CLASP1: variants seen among roughly 807,000 people sequenced by gnomAD.
CLASP1 encodes the protein cytoplasmic linker associated protein 1.
A neutral mutation model predicts 192.3 loss-of-function variants in CLASP1; 38 were observed. The ratio of observed to expected loss-of-function variants is 0.20; its 90% CI spans 0.15 to 0.26. The LOEUF (loss-of-function observed/expected upper bound fraction) is 0.26. Ranked by LOEUF, CLASP1 falls within the 10% of genes least tolerant of loss-of-function variation. The pLI, the probability that CLASP1 is intolerant of heterozygous loss-of-function variation, is 1.00. For missense variants in CLASP1, 1,433 were observed against 1,932.5 expected (o/e 0.74, Z 4.85); for synonymous variants, 691 against 712.8 (o/e 0.97, Z 0.49).
At chr2:121,447,772 C>A (rs979590043) in intron 18 of CLASP1, among the ~76,000 whole-genome samples, 1 of 152,086 alleles carries the variant, frequency 6.6e-6, no homozygotes, top group Admixed American at 6.6e-5. Flanking sequence ...AAGAAATGGA[C>A]CATGTTTCTG....
At chr2:121,602,174 CAAA>C (rs71398035) in intron 2 of CLASP1, among the ~76,000 whole-genome samples, 1 of 131,336 alleles carries the variant, frequency 7.6e-6, no homozygotes. Context: ...CACTCCATCT[CAAA>C]AAAAAAAAAA....
At chr2:121,542,721 C>T (rs1415238234) in intron 2 of CLASP1, among the ~76,000 whole-genome samples, 2 of 152,166 alleles carry the variant, frequency 1.3e-5, no homozygotes, top group South Asian at 2.1e-4. Flanking sequence ...TGTTAAAATA[C>T]GTTAATTAAT....
intron 2 of CLASP1, among the ~76,000 whole-genome samples, chr2:121,552,011 T>C (rs1296767235): frequency 6.6e-6 from 1 of 152,062 alleles, no homozygotes; most frequent in Non-Finnish European, 1.5e-5. Flanking sequence ...ACCAATGGAA[T>C]AGAATAGAAA....
At chr2:121,544,718 T>C (rs188499624) in intron 2 of CLASP1, among the ~76,000 whole-genome samples, 21 of 151,706 alleles carry the variant, frequency 1.4e-4, no homozygotes, top group African/African-American at 4.3e-4. Context: ...TGCAATTCCA[T>C]TCCATACAAA....
chr2:121,370,793 T>G (rs1008866760), intron 34 of CLASP1, among the ~76,000 whole-genome samples: 1 of 152,216 alleles, frequency 6.6e-6, no homozygotes, highest in South Asian at 2.1e-4. Context: ...TAGGTGACAC[T>G]GAGGCTTCCC....
At chr2:121,367,757 T>G (rs751922581) in exon 35 of CLASP1, 23 of 1,613,830 alleles carry the variant, frequency 1.4e-5, no homozygotes, top group Non-Finnish European at 1.9e-5. Flanking sequence ...TATCCAGAGC[T>G]GTCCGGCCTC....
chr2:121,472,834 C>A (rs1462617462), intron 8 of CLASP1, among the ~76,000 whole-genome samples: 1 of 152,124 alleles, frequency 6.6e-6, no homozygotes, highest in Non-Finnish European at 1.5e-5. Flanking sequence ...TCAATGGAGA[C>A]CCCCAGAGAG....
intron 2 of CLASP1, among the ~76,000 whole-genome samples, chr2:121,590,798 C>T (rs2062298623): frequency 6.6e-6 from 1 of 151,050 alleles, no homozygotes; most frequent in South Asian, 2.1e-4. Context: ...GATTCTCAAC[C>T]AAAGTAAGAA....
rs2095176858 is a variant in CLASP1, at chr2:121,539,418, G to GC, written c.196-9094dup. 2.0e-5 allele frequency among the ~76,000 whole-genome samples: 3 copies of GC among 152,154 alleles called. No homozygotes were observed. In the South Asian group the frequency reaches 6.2e-4, roughly 31 times the overall value. ...CAATACGGCTACTTTTTAAATTGAT[G>GC]CCCCTGGATCAACTGAATATCTACA... On this transcript the variant is annotated intron_variant, in intron 2 of 39. Transcript: ENST00000263710.
chr2:121,354,630 C>T (rs1341885113), intron 37 of CLASP1, among the ~76,000 whole-genome samples: 1 of 151,964 alleles, frequency 6.6e-6, no homozygotes, highest in East Asian at 1.9e-4. Context: ...TCATAACACA[C>T]CAGCCTGAAA....
At chr2:121,474,199 C>A (rs969401157) in intron 8 of CLASP1, among the ~76,000 whole-genome samples, 3 of 151,778 alleles carry the variant, frequency 2.0e-5, no homozygotes, top group African/African-American at 4.8e-5. Context: ...GCCAGAGGAA[C>A]CAAAATTAGG....
At chr2:121,423,493 AG>A (rs2079864871) in intron 22 of CLASP1, among the ~76,000 whole-genome samples, 3 of 152,208 alleles carry the variant, frequency 2.0e-5, no homozygotes, top group Admixed American at 2.0e-4. Flanking sequence ...ATAATATAAA[AG>A]GAAAAAAAAT....
At chr2:121,518,049 G>A (rs1438901190) in intron 6 of CLASP1, among the ~76,000 whole-genome samples, 2 of 149,800 alleles carry the variant, frequency 1.3e-5, no homozygotes, top group Non-Finnish European at 3.0e-5. Context: ...GGCAAACATG[G>A]TGAAACCCCG....
chr2:121,445,352 C>A, intron 19 of CLASP1: 1 of 653,976 alleles, frequency 1.5e-6, no homozygotes. Context: ...AAAGAGTTAC[C>A]CAAAAGGCAG....
At chr2:121,461,136 C>T in exon 11 of CLASP1, 1 of 1,607,340 alleles carries the variant, frequency 6.2e-7, no homozygotes, top group Non-Finnish European at 8.5e-7. Context: ...TGCTTGTCAT[C>T]AGATAATATT....
chr2:121,588,051 G>A (rs940631543), intron 2 of CLASP1, among the ~76,000 whole-genome samples: 7 of 151,168 alleles, frequency 4.6e-5, no homozygotes, highest in Non-Finnish European at 8.8e-5. Context: ...GTACTACCCT[G>A]TAGTCCCAGC....
intron 8 of CLASP1, among the ~76,000 whole-genome samples, chr2:121,484,940 T>A (rs1012723213): frequency 6.6e-6 from 1 of 152,214 alleles, no homozygotes; most frequent in Admixed American, 6.5e-5. Flanking sequence ...ACATTCATGC[T>A]AACTGCCCAA....
chr2:121,526,829 AG>A (rs978769696), intron 5 of CLASP1, among the ~76,000 whole-genome samples: 9 of 152,340 alleles, frequency 5.9e-5, no homozygotes, highest in South Asian at 2.1e-4. Context: ...TCAGAAAAAA[AG>A]GCTTGAAATT....
At chr2:121,350,645 T>C (rs1458071776) in intron 37 of CLASP1, among the ~76,000 whole-genome samples, 1 of 152,076 alleles carries the variant, frequency 6.6e-6, no homozygotes, top group East Asian at 1.9e-4. Context: ...TAAAGGGAAA[T>C]TTTTCCAACA....
Sources: allele counts gnomAD v4.1 joint callset (sites outside exome capture counted in the v4.1 genomes callset), GRCh38; gene constraint gnomAD v4.1.1; transcripts MANE v1.5; gene names NCBI Gene and HGNC (gene_info 2026-07-23, HGNC 2026-07-21).